The following DIP2A variants were observed in gnomAD, a reference collection of about 807,000 sequenced individuals.
DIP2A encodes the protein DIP2 acetate--CoA ligase A, also known as disco-interacting protein 2 homolog A.
Under a neutral mutation model 177.4 loss-of-function variants are expected in DIP2A, and 85 were observed. The ratio of observed to expected loss-of-function variants is 0.48; its 90% confidence interval spans 0.40 to 0.57. The LOEUF is 0.57. Ranked by LOEUF, DIP2A falls within the 20% of genes least tolerant of loss-of-function variation. The pLI is 0.00. For synonymous variants in DIP2A, 886 were observed against 881.8 expected (o/e 1.00, Z -0.08); for missense variants, 1,791 against 2,100.2 (o/e 0.85, Z 2.88).
At chr21:46,483,271 A>G (rs2056469466) in intron 1 of DIP2A, among the ~76,000 whole-genome samples, 1 of 152,210 alleles carries the variant, frequency 6.6e-6, no homozygotes, top group Non-Finnish European at 1.5e-5. Flanking sequence ...AAAAGACACT[A>G]TAAAAAAGTT....
chr21:46,543,604 G>C (rs1437601158), intron 18 of DIP2A, among the ~76,000 whole-genome samples: 4 of 132,920 alleles, frequency 3.0e-5, no homozygotes, highest in African/African-American at 1.1e-4. Flanking sequence ...CCCCCGGGCT[G>C]TACCCCTTGT....
intron 8 of DIP2A, among the ~76,000 whole-genome samples, chr21:46,526,561 A>AT (rs1601678186): frequency 6.6e-6 from 1 of 151,750 alleles, no homozygotes; most frequent in East Asian, 2.0e-4. Flanking sequence ...TGTCCGCCTG[A>AT]TTTTTTGTAT....
At chr21:46,582,385 G>T in the DIP2A span, among the ~76,000 whole-genome samples, 1 of 152,212 alleles carries the variant, frequency 6.6e-6, no homozygotes, top group Non-Finnish European at 1.5e-5. Context: ...CTAGCCAGCT[G>T]CCACTAGCTG....
chr21:46,554,016 A>T (rs780882938), intron 25 of DIP2A, 153 bp from the exon 26 acceptor site: 350 of 1,050,400 alleles, frequency 3.3e-4, no homozygotes, highest in Non-Finnish European at 4.3e-4. Flanking sequence ...AAAAGACACC[A>T]GCCGTACGTC....
chr21:46,485,348 G>A (rs1484358465), intron 2 of DIP2A, among the ~76,000 whole-genome samples: 1 of 152,068 alleles, frequency 6.6e-6, no homozygotes, highest in Non-Finnish European at 1.5e-5. Flanking sequence ...TGAGAGGATT[G>A]GCCCAACCAG....
At position 46,509,325 on chromosome 21, in the gene DIP2A, C is replaced by T. The variant is rs200877060; in HGVS notation, c.853C>T (p.Arg285Cys). ...TCTGAACACCCTGAAGAGGCCAAAG[C>T]GCCCTCCACTGAAGGAGTTCTTTGT... ...QLLNTLKRPK[R>C]PPLKEFFVDD... The change falls in exon 7 of 38, where the codon CGC (arginine) becomes TGC (cysteine). Residue 285 changes from arginine (R) to cysteine (C), a missense_variant. Arg to Cys is a radical substitution (Grantham distance 180). Coordinates refer to ENST00000417564, the MANE Select transcript of DIP2A (RefSeq NM_015151.4). The T allele has an allele frequency of 9.1e-4, 1,465 of 1,613,624 alleles. 1 individual carries two copies. Among genetic ancestry groups the T allele is most frequent in the Non-Finnish European group, 1.2e-3 (1,400 of 1,179,790 alleles).
chr21:46,538,372 G>A, intron 15 of DIP2A, 111 bp from the exon 16 acceptor site: 1 of 1,344,602 alleles, frequency 7.4e-7, no homozygotes, highest in Non-Finnish European at 9.9e-7. Flanking sequence ...TAAGTGTTGT[G>A]TCTGTCTGTG....
chr21:46,505,491 C>T (rs1227694295), intron 6 of DIP2A, among the ~76,000 whole-genome samples: 1 of 152,092 alleles, frequency 6.6e-6, no homozygotes, highest in East Asian at 1.9e-4. Flanking sequence ...CGTCTATAGT[C>T]CCAGCTACTC....
intron 8 of DIP2A, among the ~76,000 whole-genome samples, chr21:46,517,975 T>C (rs2058660703): frequency 6.6e-6 from 1 of 152,264 alleles, no homozygotes; most frequent in Non-Finnish European, 1.5e-5. Flanking sequence ...CTGCATTTTA[T>C]TCAGTTTTTA....
At chr21:46,459,570 C>G (rs1404094825) in intron 1 of DIP2A, among the ~76,000 whole-genome samples, 13 of 147,010 alleles carry the variant, frequency 8.8e-5, no homozygotes, top group Non-Finnish European at 1.4e-4. Flanking sequence ...CGGAACCCCG[C>G]GCGGCCCCTC....
chr21:46,492,907 T>G (rs1249626078), intron 3 of DIP2A, among the ~76,000 whole-genome samples: 1 of 149,060 alleles, frequency 6.7e-6, no homozygotes, highest in Non-Finnish European at 1.5e-5. Flanking sequence ...CCCACTGCAC[T>G]CCAGCCTGAG....
Position 46,554,812 on chromosome 21 carries a change from C to T in DIP2A, c.3277-10C>T, listed in dbSNP as rs1415015868. On this transcript the variant is annotated splice_polypyrimidine_tract_variant and intron_variant, in intron 27 of 37. Transcript: ENST00000417564. ...CCCCGCCCACCCACCCTTGGCCCCT[C>T]GCCATGCAGGTCAGCAAGTCTGCAT... The T allele has an allele frequency of 1.5e-5, 23 of 1,543,254 alleles. No individual in the cohort carries two copies. Among genetic ancestry groups the T allele is most frequent in the Middle Eastern group, 2.3e-4 (1 of 4,430 alleles).
Position 46,533,661 on chromosome 21 carries a change from A to C in DIP2A, c.1429+14A>C. On this transcript the variant is annotated intron_variant, in intron 11 of 37. Transcript: ENST00000417564. ...CAGCTTTCAAAGGTGAGGCCTCCCA[A>C]GGGAAGGGGAGTCAGTGTTCTGACT... 1 of 1,613,972 alleles carries C rather than the reference A, an allele frequency of 6.2e-7. No individual in the cohort carries two copies. Among genetic ancestry groups the C allele is most frequent in the Non-Finnish European group, 8.5e-7 (1 of 1,179,852 alleles).
intron 8 of DIP2A, among the ~76,000 whole-genome samples, chr21:46,514,308 C>A (rs533557696): frequency 6.6e-6 from 1 of 151,794 alleles, no homozygotes; most frequent in South Asian, 2.1e-4. Context: ...TGGTGGTGGG[C>A]GCCTGTAGTC....
intron 1 of DIP2A, among the ~76,000 whole-genome samples, chr21:46,470,995 A>G (rs1177970234): frequency 6.6e-6 from 1 of 151,958 alleles, no homozygotes; most frequent in Admixed American, 6.6e-5. Context: ...TGAAGAAAGG[A>G]AGGAAATGAA....
intron 5 of DIP2A, among the ~76,000 whole-genome samples, chr21:46,503,016 A>G (rs1181370218): frequency 6.6e-6 from 1 of 152,168 alleles, no homozygotes; most frequent in Non-Finnish European, 1.5e-5. Context: ...ATGTTACACC[A>G]ATTCTACTTT....
intron 7 of DIP2A, 117 bp downstream of exon 7, chr21:46,509,493 G>T: frequency 7.9e-7 from 1 of 1,261,462 alleles, no homozygotes; most frequent in Non-Finnish European, 1.0e-6. Flanking sequence ...TCTGTTTCCA[G>T]ACTCAGTGGT....
At chr21:46,546,551 C>T (rs2060049292) in intron 20 of DIP2A, among the ~76,000 whole-genome samples, 1 of 152,202 alleles carries the variant, frequency 6.6e-6, no homozygotes, top group African/African-American at 2.4e-5. Flanking sequence ...CTGCCCTTAG[C>T]TCAGCAGTTT....
intron 1 of DIP2A, among the ~76,000 whole-genome samples, chr21:46,481,694 C>G (rs757715311): frequency 4.6e-5 from 7 of 152,086 alleles, no homozygotes; most frequent in South Asian, 4.1e-4. Flanking sequence ...TTTGTGTTTC[C>G]TAACAGAAGG....
Sources: gnomAD v4.1 joint callset for allele counts (sites outside exome capture counted in the v4.1 genomes callset) on GRCh38, gnomAD v4.1.1 for gene constraint, MANE v1.5 for transcripts, NCBI Gene and HGNC (gene_info 2026-07-23, HGNC 2026-07-21) for gene names.